The following SLC14A1 variants were observed in gnomAD, a reference collection of about 807,000 sequenced individuals.
SLC14A1 encodes solute carrier family 14 member 1 (Kidd blood group), also known as urea transporter 1.
In SLC14A1, 36 loss-of-function variants were observed where a neutral mutation model predicts 39.6. The observed-to-expected ratio is 0.91, with a 90% CI of 0.70 to 1.20. The LOEUF is 1.20. SLC14A1 is among the 50% of genes most tolerant of loss of function. SLC14A1 has a pLI of 0.00. For missense variants in SLC14A1, 469 were observed against 478.7 expected, an observed-to-expected ratio of 0.98 and a Z score of 0.19; for synonymous variants, 164 against 173.6, an observed-to-expected ratio of 0.94 and a Z score of 0.43.
chr18:45,742,285 A>G (rs2047397514), intron 8 of SLC14A1, among the ~76,000 whole-genome samples: 1 of 150,970 alleles, frequency 6.6e-6, no homozygotes, highest in Non-Finnish European at 1.5e-5. Context: ...AGGAGAAGGC[A>G]TTTTGAGCAC....
chr18:45,741,752 G>T (rs902988802), intron 8 of SLC14A1, among the ~76,000 whole-genome samples: 1 of 152,228 alleles, frequency 6.6e-6, no homozygotes, highest in African/African-American at 2.4e-5. Context: ...GTTCAGCTGG[G>T]TTGGAATGTT....
At chr18:45,725,820 G>C (rs16978469) in intron 2 of SLC14A1, among the ~76,000 whole-genome samples, 1 of 151,934 alleles carries the variant, frequency 6.6e-6, no homozygotes, top group African/African-American at 2.4e-5. Context: ...CTTGAACTAC[G>C]TGGTCTCTAA....
At chr18:45,739,772 G>C in intron 8 of SLC14A1, 110 bp downstream of exon 8, 4 of 1,427,378 alleles carry the variant, frequency 2.8e-6, no homozygotes, top group Non-Finnish European at 3.9e-6. Flanking sequence ...GTTCTGGCTT[G>C]AGCCCACTTG....
rs956172162 is a variant in SLC14A1 at position 45,751,557 on chromosome 18, C to G, written c.*1606C>G. 1.0e-6 allele frequency: 1 copy of G among 968,630 alleles called. No individual in the cohort carries two copies. The highest frequency in any genetic ancestry group is 1.2e-6 in the Non-Finnish European group (1 of 815,338). 60.0% of individuals were successfully genotyped at this position (968,630 alleles called of 1,614,324 possible). On this transcript the variant is annotated 3_prime_UTR_variant, in exon 10 of 10. Coordinates refer to ENST00000321925, the MANE Select transcript of SLC14A1 (RefSeq NM_015865.7). ...CTTTGGGAGATGGAGGTAAAAGGAT[C>G]TCTTGAGCCCAGGAGTTCAAGACCA... is the stretch of plus-strand genomic sequence containing the variant.
chr18:45,728,690 A>G (rs1476444458), intron 2 of SLC14A1, among the ~76,000 whole-genome samples: 1 of 152,196 alleles, frequency 6.6e-6, no homozygotes, highest in East Asian at 1.9e-4. Flanking sequence ...ATCTTTAACT[A>G]TGGAGCCAAC....
chr18:45,725,534 A>G (rs1374019289), intron 2 of SLC14A1, among the ~76,000 whole-genome samples: 1 of 152,192 alleles, frequency 6.6e-6, no homozygotes, highest in African/African-American at 2.4e-5. Context: ...CCCCCACCCC[A>G]AGATTAGTTC....
chr18:45,742,354 T>TTG (rs1555648953), intron 8 of SLC14A1, among the ~76,000 whole-genome samples: 10 of 33,884 alleles, frequency 3.0e-4, no homozygotes, highest in African/African-American at 1.3e-3. Flanking sequence ...TGTTTTTTGG[T>TTG]TTTTTTTTTT....
chr18:45,727,006 A>AT (rs1034602417), intron 2 of SLC14A1: 2,228 of 362,234 alleles, frequency 6.2e-3, no homozygotes, highest in Middle Eastern at 0.011. Flanking sequence ...GCTTCCCGTT[A>AT]TTTTTTTTTT....
At position 45,750,523 on chromosome 18, in the gene SLC14A1, T is replaced by TTGTG. The variant is rs2047677158; in HGVS notation, c.*579_*582dup. 1.0e-6 allele frequency: 1 copy of TTGTG among 995,840 alleles called. No homozygotes were observed. The highest frequency in any genetic ancestry group is 4.5e-5 in the South Asian group (1 of 22,420). 61.7% of individuals were successfully genotyped at this position (995,840 alleles called of 1,614,324 possible). ...CAAACAATGGCCTGCACCCTATCCC[T>TTGTG]TGTGTGTGTGACATTCTCTCATGGG... On this transcript the variant is annotated 3_prime_UTR_variant, in exon 10 of 10. Coordinates refer to ENST00000321925, the MANE Select transcript of SLC14A1 (RefSeq NM_015865.7).
At chr18:45,738,166 A>G (rs1010126176) in intron 6 of SLC14A1, among the ~76,000 whole-genome samples, 6 of 152,222 alleles carry the variant, frequency 3.9e-5, no homozygotes, top group African/African-American at 1.4e-4. Flanking sequence ...ACTCAGCCTA[A>G]TATAAGAGGG....
rs143721410 is a variant in SLC14A1 at position 45,725,603 on chromosome 18, A to G, written c.-22+590A>G. On this transcript the variant is annotated intron_variant, in intron 2 of 9. Coordinates refer to ENST00000321925, the MANE Select transcript of SLC14A1 (RefSeq NM_015865.7). ...ATCGCTAAGTCCTAGCCCTCTCTGCATACTCCAGCACACAGAAACTGCTGC... is the reference window on the plus strand; with the variant it reads ...ATCGCTAAGTCCTAGCCCTCTCTGCGTACTCCAGCACACAGAAACTGCTGC... Among the ~76,000 whole-genome samples, 677 of 152,320 alleles carry G rather than the reference A, an allele frequency of 4.4e-3. 2 individuals are homozygous for G. The highest frequency in any genetic ancestry group is 0.015 in the African/African-American group (638 of 41,578).
At chr18:45,748,327 A>G (rs1302911607) in intron 8 of SLC14A1, 49 bp from the exon 9 acceptor site, 6 of 1,592,236 alleles carry the variant, frequency 3.8e-6, no homozygotes, top group Non-Finnish European at 5.2e-6. Context: ...CCTGTGATTA[A>G]AAGTGCATCT....
At chr18:45,737,916 T>A (rs1318772183) in intron 6 of SLC14A1, among the ~76,000 whole-genome samples, 3 of 152,198 alleles carry the variant, frequency 2.0e-5, no homozygotes, top group Non-Finnish European at 4.4e-5. Flanking sequence ...TCACTCTGAA[T>A]GAACAGCCCA....
Position 45,739,191 on chromosome 18 carries a change from G to A in SLC14A1, c.692G>A (p.Gly231Asp). 1 of 1,614,082 alleles carries A rather than the reference G, an allele frequency of 6.2e-7. No homozygotes were observed. The highest frequency in any genetic ancestry group is 8.5e-7 in the Non-Finnish European group (1 of 1,180,010). Residue 231 changes from glycine (G) to aspartate (D), a missense_variant, in exon 7 of 10, where the codon GGT (glycine) becomes GAT (aspartate). Gly to Asp is a moderately conservative substitution (Grantham distance 94). Coordinates refer to ENST00000321925, the MANE Select transcript of SLC14A1 (RefSeq NM_015865.7). ...ELLKSIPVGV[G>D]QIYGCDNPWT... The stretch of plus-strand genomic sequence containing the variant: ...TTGAAATCTATACCAGTGGGAGTTG[G>A]TCAGATCTATGGCTGTGATAATCCA...
intron 2 of SLC14A1, chr18:45,727,411 A>G: frequency 6.5e-7 from 1 of 1,547,938 alleles, no homozygotes; most frequent in Non-Finnish European, 8.7e-7. Flanking sequence ...GATGGGTCGC[A>G]GGAACAGGTA....
At chr18:45,749,366 A>G (rs545456913) in intron 9 of SLC14A1, among the ~76,000 whole-genome samples, 1 of 152,218 alleles carries the variant, frequency 6.6e-6, no homozygotes, top group South Asian at 2.1e-4. Context: ...AGTCAAGTCT[A>G]AGATCTAGAC....
chr18:45,735,349 G>A (rs554430013), intron 5 of SLC14A1, among the ~76,000 whole-genome samples: 11 of 152,328 alleles, frequency 7.2e-5, no homozygotes, highest in South Asian at 2.1e-4. Flanking sequence ...GAGAATTTGC[G>A]TTTCTAACGC....
At chr18:45,745,479 T>C (rs566309) in intron 8 of SLC14A1, among the ~76,000 whole-genome samples, 140,317 of 152,160 alleles carry the variant, frequency 0.92, 64,731 homozygotes, top group East Asian at 1. Context: ...TGCTCAAGGC[T>C]GTGGAGATGG....
intron 2 of SLC14A1, among the ~76,000 whole-genome samples, chr18:45,728,350 A>C (rs9304323): frequency 1.3e-5 from 2 of 151,978 alleles, no homozygotes; most frequent in African/African-American, 4.8e-5. Context: ...GAAATGGTCC[A>C]TGTTCCTGCT....
Sources: allele counts gnomAD v4.1 joint callset (sites outside exome capture counted in the v4.1 genomes callset), GRCh38; gene constraint gnomAD v4.1.1; transcripts MANE v1.5; gene names NCBI Gene and HGNC (gene_info 2026-07-23, HGNC 2026-07-21).